The following SPOUT1 variants were observed in gnomAD, a reference collection of about 807,000 sequenced individuals.
SPOUT1 encodes the protein 28S rRNA (uridine-N(3))-methyltransferase.
In SPOUT1, 40 loss-of-function variants were observed where a neutral mutation model predicts 54.8. The ratio of observed to expected loss-of-function variants is 0.73; its 90% CI spans 0.57 to 0.95. The LOEUF is 0.95. SPOUT1 is among the 40% of genes least tolerant of loss of function. The pLI is 0.00. For synonymous variants in SPOUT1, 193 were observed against 200.3 expected, an observed-to-expected ratio of 0.96 and a Z score of 0.31; for missense variants, 437 against 499.5, an observed-to-expected ratio of 0.87 and a Z score of 1.19.
chr9:128,820,613 GT>G lies in SPOUT1; in HGVS notation c.*2151del. ...AGTGACTTTCATTCCTTGAGCCTCA[GT>G]TTCCCCCCGCTTGTCTCACTGGATA... On this transcript the variant is annotated 3_prime_UTR_variant, in exon 12 of 12. Transcript: ENST00000361256. 1.3e-6 allele frequency: 1 copy of G among 766,640 alleles called. No individual in the cohort carries two copies. The highest frequency in any genetic ancestry group is 2.2e-6 in the Non-Finnish European group (1 of 461,132). 47.5% of individuals were successfully genotyped at this position (766,640 alleles called of 1,614,324 possible).
rs547734435 is a variant in SPOUT1 at position 128,821,031 on chromosome 9, C to A, written c.*1734G>T. On this transcript the variant is annotated 3_prime_UTR_variant, in exon 12 of 12. Coordinates refer to ENST00000361256, the MANE Select transcript of SPOUT1 (RefSeq NM_016390.4). ...TCATTCCACCTCCACAGCCAAAGAC[C>A]TGTCGGGTACCCCTGACCATCTCTC... 69 of 610,270 alleles carry A rather than the reference C, an allele frequency of 1.1e-4. No individual in the cohort carries two copies. In the African/African-American group the frequency reaches 1.2e-3, roughly 11 times the overall value. 37.8% of individuals were successfully genotyped at this position (610,270 alleles called of 1,614,324 possible).
Position 128,821,160 on chromosome 9 carries a change from C to T in SPOUT1, c.*1605G>A, listed in dbSNP as rs958048169. On this transcript the variant is annotated 3_prime_UTR_variant, in exon 12 of 12. Coordinates refer to ENST00000361256, the MANE Select transcript of SPOUT1 (RefSeq NM_016390.4). ...CTTGTTCTGCCAATATGGAACCCCC[C>T]GCAGGTCTGCAGTGCACCAAGCTCT... 1.5e-4 allele frequency: 63 copies of T among 406,696 alleles called. No homozygotes were observed. Among genetic ancestry groups the T allele is most frequent in the South Asian group, 7.2e-4 (29 of 40,044 alleles). 25.2% of individuals were successfully genotyped at this position (406,696 alleles called of 1,614,324 possible).
Position 128,823,924 on chromosome 9 carries a change from C to T in SPOUT1, c.915-30G>A, listed in dbSNP as rs549005618. The T allele has an allele frequency of 3.0e-5, 49 of 1,609,368 alleles. No individual in the cohort carries two copies. In the East Asian group the frequency reaches 3.6e-4, roughly 12 times the overall value. On this transcript the variant is annotated intron_variant, in intron 10 of 11. Transcript: ENST00000361256. ...CCCATGTAAGAGGGGGTCACCTGAG[C>T]GGCCACCGAGGCCCCACCCAGCACA...
intron 9 of SPOUT1, among the ~76,000 whole-genome samples, chr9:128,824,497 G>A (rs1411552393): frequency 6.6e-5 from 10 of 152,158 alleles, no homozygotes; most frequent in Admixed American, 6.5e-4. Flanking sequence ...AGAACATGAA[G>A]TGGGCCTCTG....
chr9:128,827,229 G>A (rs1830259941), intron 3 of SPOUT1, 38 bp from the exon 4 acceptor site: 1 of 1,573,326 alleles, frequency 6.4e-7, no homozygotes, highest in African/African-American at 1.3e-5. Flanking sequence ...AGTGTGAGAG[G>A]CAAGGGCCCC....
In SPOUT1 at chr9:128,822,672, T is replaced by G. The variant is rs1231636762; in HGVS notation, c.*93A>C. The G allele has an allele frequency of 6.4e-7, 1 of 1,553,766 alleles. No homozygotes were observed. The highest frequency in any genetic ancestry group is 8.7e-7 in the Non-Finnish European group (1 of 1,148,066). On this transcript the variant is annotated 3_prime_UTR_variant, in exon 12 of 12. Transcript: ENST00000361256. The stretch of plus-strand genomic sequence containing the variant: ...CGGGGAGTATTAAAGGTGGTGATTT[T>G]TGGAGACAAGTCTGGTGGCGTCCGT...
At position 128,821,285 on chromosome 9, in the gene SPOUT1, C is replaced by A. The variant is rs1319695725; in HGVS notation, c.*1480G>T. 1.5e-5 allele frequency: 3 copies of A among 194,544 alleles called. No homozygotes were observed. In the Admixed American group the frequency reaches 1.8e-4, roughly 11 times the overall value. The allele number at this position is 194,544 out of a possible 1,614,324, so 12.1% of individuals were successfully genotyped here. On this transcript the variant is annotated 3_prime_UTR_variant, in exon 12 of 12. Transcript: ENST00000361256. ...CTCTCCCACCTTCCCTCTGCAGGTC[C>A]GAGGTGCACCGAGCTCTCCCGCCTT...
At chr9:128,823,165 G>A (rs1003795098) in intron 11 of SPOUT1, among the ~76,000 whole-genome samples, 2 of 152,168 alleles carry the variant, frequency 1.3e-5, no homozygotes, top group Admixed American at 1.3e-4. Context: ...GGTTCCTGCT[G>A]GGGGGTATGG....
At chr9:128,824,201 G>C (rs1564435129) in intron 9 of SPOUT1, 27 bp from the exon 10 acceptor site, 1 of 1,413,478 alleles carries the variant, frequency 7.1e-7, no homozygotes, top group Non-Finnish European at 1.0e-6. Context: ...CTCAGTGCAG[G>C]TCCTGCTCCC....
Position 128,826,016 on chromosome 9 carries a change from TCCTA to T in SPOUT1, c.639+2_639+5del, listed in dbSNP as rs1447052829. On this transcript the variant is annotated splice_donor_variant and splice_donor_5th_base_variant and intron_variant, in intron 7 of 11. Transcript: ENST00000361256. LOFTEE classifies it high-confidence loss of function. The surrounding 1 kb of genome is among the most constrained non-coding windows in gnomAD (Gnocchi z 5.5). ...GGTGTGTCCTAGCCCATCTTTCTGT[TCCTA>T]CCTTTTTCATGCCACAGTTGACAAA... 2 of 1,614,060 alleles carry T rather than the reference TCCTA, an allele frequency of 1.2e-6. No homozygotes were observed. The highest frequency in any genetic ancestry group is 1.7e-6 in the Non-Finnish European group (2 of 1,179,992).
In SPOUT1 at chr9:128,827,190, C is replaced by A. The variant is rs772781878; in HGVS notation, c.210G>T (p.Gly70=). Reference sequence around the variant, plus strand: ...GGGCTACGCTCAGTGTGTAGGGCCGCCCTGAGCAGGGGAGGGATGTTCCCA... The same window carrying A: ...GGGCTACGCTCAGTGTGTAGGGCCGACCTGAGCAGGGGAGGGATGTTCCCA... ...EEAAAEKEDR[G]RPYTLSVALP... is the part of the protein sequence containing the mutation. The change falls in exon 4 of 12, where the codon GGG becomes GGT. Residue 70 remains glycine (G), a splice_region_variant and synonymous_variant. Coordinates refer to ENST00000361256, the MANE Select transcript of SPOUT1 (RefSeq NM_016390.4). The A allele has an allele frequency of 5.6e-6, 9 of 1,610,224 alleles. No homozygotes were observed. The highest frequency in any genetic ancestry group is 1.7e-4 in the Middle Eastern group (1 of 6,050).
intron 7 of SPOUT1, 64 bp from the exon 8 acceptor site, chr9:128,825,113 C>T (rs1830213546): frequency 1.6e-6 from 2 of 1,250,250 alleles, no homozygotes; most frequent in Middle Eastern, 2.6e-4. Flanking sequence ...CACGGCTCTT[C>T]CAGATGCCAC....
rs150246916 is a variant in SPOUT1 at position 128,829,017 on chromosome 9, C to A, written c.82+93G>T. 1,106 of 1,507,652 alleles carry A rather than the reference C, an allele frequency of 7.3e-4. 4 individuals are homozygous for A. The African/African-American group carries it at 0.012, about 17-fold the overall frequency. The allele number at this position is 1,507,652 out of a possible 1,614,324, so 93.4% of individuals were successfully genotyped here. A position where few individuals can be genotyped will look rare whatever the true frequency, so the allele number is the denominator to read the frequency against. On this transcript the variant is annotated intron_variant, in intron 2 of 11. Transcript: ENST00000361256. ...CTCCCCACTTTGTGTGCTGCAGGACCCAGAGGGAACAAAGTTGGTGTCTTT... is the reference window on the plus strand; with the variant it reads ...CTCCCCACTTTGTGTGCTGCAGGACACAGAGGGAACAAAGTTGGTGTCTTT...
chr9:128,829,771 G>T lies in SPOUT1; in HGVS notation c.10C>A (p.Arg4Ser). 6.2e-7 allele frequency: 1 copy of T among 1,602,118 alleles called. No individual in the cohort carries two copies. Among genetic ancestry groups the T allele is most frequent in the Non-Finnish European group, 8.5e-7 (1 of 1,175,112 alleles). The change falls in exon 1 of 12, where the codon CGC becomes AGC. Residue 4 changes from arginine (R) to serine (S), a missense_variant. Arg to Ser is a moderately radical substitution (Grantham distance 110, BLOSUM62 -1). Coordinates refer to ENST00000361256, the MANE Select transcript of SPOUT1 (RefSeq NM_016390.4). ...GGGCCGCACGGCCGCTTCCTGCCGC[G>T]CTCCGCCATGTTCCGCACACACCGT... MAE[R>S]GRKRPCGPGE...
chr9:128,823,909 AG>A lies in SPOUT1; in HGVS notation c.915-16del. The A allele has an allele frequency of 2.5e-6, 4 of 1,611,644 alleles. No individual in the cohort carries two copies. Among genetic ancestry groups the A allele is most frequent in the East Asian group, 2.2e-5 (1 of 44,812 alleles). ...CAAGAGCATGCCTGGCCCATGTAAG[AG>A]GGGGTCACCTGAGCGGCCACCGAGG... On this transcript the variant is annotated splice_polypyrimidine_tract_variant and intron_variant, in intron 10 of 11. Transcript: ENST00000361256.
At position 128,826,268 on chromosome 9, in the gene SPOUT1, G is replaced by T; in HGVS notation, c.508+116C>A. The T allele has an allele frequency of 6.4e-7, 1 of 1,556,132 alleles. No homozygotes were observed. Among genetic ancestry groups the T allele is most frequent in the Non-Finnish European group, 8.8e-7 (1 of 1,131,368 alleles). On this transcript the variant is annotated intron_variant, in intron 6 of 11. Transcript: ENST00000361256. The surrounding 1 kb of genome is among the most constrained non-coding windows in gnomAD (Gnocchi z 5.5). ...GACCTGCGTCTTGGCATCAGACACA[G>T]GTCTTGCTCTCCCAGGCCTGCTTTC...
chr9:128,822,469 C>T lies in SPOUT1; in HGVS notation c.*296G>A, dbSNP rs114117166. On this transcript the variant is annotated 3_prime_UTR_variant, in exon 12 of 12. Coordinates refer to ENST00000361256, the MANE Select transcript of SPOUT1 (RefSeq NM_016390.4). ...AGCTCCGCACCTACGTGATGCCCAA[C>T]GCACCTGTGGATGAGGCCATCCCAC... 1,037 of 1,573,508 alleles carry T rather than the reference C, an allele frequency of 6.6e-4. 7 individuals are homozygous for T. In the African/African-American group the frequency reaches 8.4e-3, roughly 13 times the overall value.
chr9:128,822,501 G>A lies in SPOUT1; in HGVS notation c.*264C>T, dbSNP rs142344729. On this transcript the variant is annotated 3_prime_UTR_variant, in exon 12 of 12. Coordinates refer to ENST00000361256, the MANE Select transcript of SPOUT1 (RefSeq NM_016390.4). ...GTGGATGAGGCCATCCCACTGGAGC[G>A]CTTCCTGGTGCCCATCGAGAGCATT... 2.4e-5 allele frequency: 37 copies of A among 1,561,778 alleles called. No homozygotes were observed. The highest frequency in any genetic ancestry group is 4.1e-5 in the African/African-American group (3 of 73,696).
chr9:128,826,226 G>A lies in SPOUT1; in HGVS notation c.509-74C>T. 1 of 1,561,518 alleles carries A rather than the reference G, an allele frequency of 6.4e-7. No homozygotes were observed. The highest frequency in any genetic ancestry group is 8.7e-7 in the Non-Finnish European group (1 of 1,147,296). The stretch of plus-strand genomic sequence containing the variant: ...GGTGCAGTGGGGACCCTGGAGCGGA[G>A]TACCGGCTCTGCCACAGACCTGCGT... On this transcript the variant is annotated intron_variant, in intron 6 of 11. Transcript: ENST00000361256. This position sits in a 1 kb window ranked among gnomAD's most constrained non-coding sequence, Gnocchi z 5.5.
Sources: allele counts gnomAD v4.1 joint callset (sites outside exome capture counted in the v4.1 genomes callset), GRCh38; gene constraint gnomAD v4.1.1; non-coding constraint Gnocchi (gnomAD v3.1); transcripts MANE v1.5; gene names NCBI Gene and HGNC (gene_info 2026-07-23, HGNC 2026-07-21).